Variants in DAG1 observed in about 807,000 individuals in gnomAD.
The protein encoded by DAG1 is dystroglycan 1 (dystrophin-associated glycoprotein 1).
A neutral mutation model predicts 46.1 loss-of-function variants in DAG1; 8 were observed. That is an observed-to-expected ratio of 0.17 (90% CI 0.10 to 0.31). DAG1 has a LOEUF of 0.31. Ranked by LOEUF, DAG1 falls within the 10% of genes least tolerant of loss-of-function variation. The probability of loss-of-function intolerance (pLI) is 1.00; values close to 1 mark genes in which losing one functional copy is unlikely to be tolerated. For synonymous variants in DAG1, 495 were observed against 481.8 expected, an observed-to-expected ratio of 1.03 and a Z score of -0.36; for missense variants, 1,003 against 1,189.9, an observed-to-expected ratio of 0.84 and a Z score of 2.31.
chr3:49,487,692 C>CTTTTTT lies in DAG1; in HGVS notation c.-117+17275_-117+17280dup, dbSNP rs10686005. Among the ~76,000 whole-genome samples the CTTTTTT allele has an allele frequency of 6.3e-3, 663 of 105,696 alleles. 1 individual carries two copies. The highest frequency in any genetic ancestry group is 0.013 in the Middle Eastern group (2 of 158). The allele number at this position is 105,696 out of a possible 152,430, so 69.3% of individuals were successfully genotyped here. ...TTTGGAGTAATTAGCCCCATACATT[C>CTTTTTT]TTTTTTTTTTTTTTTTTTTTTGTTT... On this transcript the variant is annotated intron_variant, in intron 1 of 2. Coordinates refer to ENST00000308775, the MANE Select transcript of DAG1 (RefSeq NM_004393.6).
chr3:49,501,600 T>TCAGGAGTTCAAGACCAGCCTGGC (rs2050452800), intron 1 of DAG1, among the ~76,000 whole-genome samples: 2 of 151,780 alleles, frequency 1.3e-5, no homozygotes, highest in South Asian at 4.2e-4. Context: ...TCACCCGAGG[T>TCAGGAGTTCAAGACCAGCCTGGC]CAGGAGTTCA....
chr3:49,486,283 A>G (rs1237963116), intron 1 of DAG1, among the ~76,000 whole-genome samples: 2 of 151,690 alleles, frequency 1.3e-5, no homozygotes, highest in Non-Finnish European at 2.9e-5. Flanking sequence ...CAGTGGTACT[A>G]TCTCGGCTCA....
intron 1 of DAG1, among the ~76,000 whole-genome samples, chr3:49,482,832 C>T (rs1021052213): frequency 9.9e-5 from 15 of 152,178 alleles, no homozygotes; most frequent in African/African-American, 3.6e-4. Flanking sequence ...TGTGTTTAGC[C>T]TTTTCACTGT....
At chr3:49,522,882 T>A (rs902196559) in intron 2 of DAG1, among the ~76,000 whole-genome samples, 1 of 152,222 alleles carries the variant, frequency 6.6e-6, no homozygotes, top group African/African-American at 2.4e-5. Context: ...CCTGCAGATG[T>A]GCCTAGTAAC....
chr3:49,508,853 A>G (rs2050684910), intron 1 of DAG1, among the ~76,000 whole-genome samples: 2 of 152,174 alleles, frequency 1.3e-5, no homozygotes, highest in African/African-American at 4.8e-5. Flanking sequence ...CATTTTTCTA[A>G]GCCTCATTGT....
At chr3:49,502,213 T>C (rs2050472115) in intron 1 of DAG1, among the ~76,000 whole-genome samples, 1 of 152,206 alleles carries the variant, frequency 6.6e-6, no homozygotes, top group South Asian at 2.1e-4. Context: ...TGGAGCACTT[T>C]ATAGAGATCT....
At chr3:49,472,779 C>T (rs761665798) in intron 1 of DAG1, among the ~76,000 whole-genome samples, 4 of 150,226 alleles carry the variant, frequency 2.7e-5, no homozygotes, top group Non-Finnish European at 5.9e-5. Flanking sequence ...TGCACTCCAG[C>T]CTGGGCCACA....
chr3:49,479,372 C>T (rs1409262155), intron 1 of DAG1, among the ~76,000 whole-genome samples: 3 of 150,450 alleles, frequency 2.0e-5, no homozygotes, highest in East Asian at 2.0e-4. Context: ...TGCAGTGGCT[C>T]GATCTCTGCT....
intron 1 of DAG1, among the ~76,000 whole-genome samples, chr3:49,491,415 G>T (rs1575358790): frequency 6.6e-6 from 1 of 150,678 alleles, no homozygotes; most frequent in East Asian, 2.0e-4. Flanking sequence ...GGGTCAAGCA[G>T]TTCTCCTGCC....
intron 2 of DAG1, among the ~76,000 whole-genome samples, chr3:49,528,283 T>TTTTTTTTTTA (rs1481272609): frequency 1.6e-5 from 2 of 124,404 alleles, no homozygotes; most frequent in Non-Finnish European, 3.4e-5. Context: ...TGATTTTTTT[T>TTTTTTTTTTA]TTTTTTTTTT....
At chr3:49,518,830 T>G (rs1487022473) in intron 2 of DAG1, among the ~76,000 whole-genome samples, 1 of 152,258 alleles carries the variant, frequency 6.6e-6, no homozygotes, top group Non-Finnish European at 1.5e-5. Flanking sequence ...AGCATAGCTT[T>G]TTTGAGAGAC....
At chr3:49,515,959 C>T (rs190191772) in intron 2 of DAG1, among the ~76,000 whole-genome samples, 109 of 152,276 alleles carry the variant, frequency 7.2e-4, no homozygotes, top group African/African-American at 2.6e-3. Flanking sequence ...TATGATCTGG[C>T]CTGTGACCTC....
chr3:49,477,248 C>T (rs567897938), intron 1 of DAG1, among the ~76,000 whole-genome samples: 2 of 152,088 alleles, frequency 1.3e-5, no homozygotes, highest in Non-Finnish European at 2.9e-5. Flanking sequence ...CTGCCCGCCT[C>T]GGCCTCCCAA....
At chr3:49,489,908 G>A (rs774417319) in intron 1 of DAG1, among the ~76,000 whole-genome samples, 1 of 151,872 alleles carries the variant, frequency 6.6e-6, no homozygotes, top group African/African-American at 2.4e-5. Flanking sequence ...GGTAAGTGGG[G>A]TGGGGTAGGG....
At chr3:49,509,068 A>C (rs1458498129) in intron 1 of DAG1, among the ~76,000 whole-genome samples, 1 of 152,214 alleles carries the variant, frequency 6.6e-6, no homozygotes, top group Admixed American at 6.5e-5. Context: ...TTTCCAGTTT[A>C]CACGCAAAAT....
chr3:49,531,159 C>T lies in DAG1; in HGVS notation c.648C>T (p.Ser216=), dbSNP rs1045779842. ...TTGACCTCCTGCACAGGATGCGGAG[C>T]TTCTCAGAAGTAGAGCTTCACAACA... ...QRIDLLHRMR[S]FSEVELHNMK... The change falls in exon 3 of 3, where the codon AGC becomes AGT. Residue 216 remains serine, a synonymous_variant. Transcript: ENST00000308775. The surrounding 1 kb of genome is among the most constrained non-coding windows in gnomAD (Gnocchi z 7.0). 6.2e-7 allele frequency: 1 copy of T among 1,614,092 alleles called. No individual in the cohort carries two copies. Among genetic ancestry groups the T allele is most frequent in the African/African-American group, 1.3e-5 (1 of 74,922 alleles).
At chr3:49,509,444 CA>C (rs1291212790) in intron 1 of DAG1, among the ~76,000 whole-genome samples, 2 of 152,166 alleles carry the variant, frequency 1.3e-5, no homozygotes, top group East Asian at 3.8e-4. Context: ...GAAAGATACA[CA>C]CATCAAGTCT....
chr3:49,534,439 A>G lies in DAG1; in HGVS notation c.*1240A>G, dbSNP rs559304519. 6.5e-6 allele frequency: 1 copy of G among 152,744 alleles called. No homozygotes were observed. Among genetic ancestry groups the G allele is most frequent in the African/African-American group, 2.4e-5 (1 of 41,572 alleles). The allele number at this position is 152,744 out of a possible 1,614,324, so 9.5% of individuals were successfully genotyped here. On this transcript the variant is annotated 3_prime_UTR_variant, in exon 3 of 3. Transcript: ENST00000308775. ...TGGGGAGGAGTGCCAGCAATAGTTC[A>G]TAATAAAAATCTGTTAGCTCTCAAA...
intron 1 of DAG1, among the ~76,000 whole-genome samples, chr3:49,498,102 G>A (rs1175085801): frequency 1.3e-5 from 2 of 152,082 alleles, no homozygotes; most frequent in African/African-American, 2.4e-5. Flanking sequence ...TTTCTCCCAC[G>A]TATTTTTACC....
Sources: allele counts gnomAD v4.1 joint callset (sites outside exome capture counted in the v4.1 genomes callset), GRCh38; gene constraint gnomAD v4.1.1; non-coding constraint Gnocchi (gnomAD v3.1); transcripts MANE v1.5; gene names NCBI Gene and HGNC (gene_info 2026-07-23, HGNC 2026-07-21).